TRMT9B: variants seen among roughly 807,000 people sequenced by gnomAD.
The protein encoded by TRMT9B is probable tRNA methyltransferase 9B.
In TRMT9B, 16 loss-of-function variants were observed where a neutral mutation model predicts 11.5. That is an observed-to-expected ratio of 1.39 (90% CI 0.94 to 2.11). The LOEUF (loss-of-function observed/expected upper bound fraction) is 2.11, where lower values mean the gene tolerates loss of function less well. Ranked by LOEUF, TRMT9B falls within the 30% of genes most tolerant of loss-of-function variation. The pLI is 0.00. For missense variants in TRMT9B, 941 were observed against 553.8 expected, an observed-to-expected ratio of 1.70 and a Z score of -7.02; for synonymous variants, 274 against 192.4, an observed-to-expected ratio of 1.42 and a Z score of -3.51.
At chr8:12,954,071 T>G (rs2946504) in intron 1 of TRMT9B, among the ~76,000 whole-genome samples, 44,252 of 152,098 alleles carry the variant, frequency 0.29, 6,843 homozygotes, top group East Asian at 0.56. Context: ...TAATAAAATT[T>G]TACTTACCAG....
chr8:13,012,122 C>G (rs1811722284), intron 3 of TRMT9B: 2 of 985,378 alleles, frequency 2.0e-6, no homozygotes, highest in Non-Finnish European at 2.4e-6. Flanking sequence ...TGTACTGAGC[C>G]CTGTGGACAT....
At chr8:13,017,089 C>T (rs1271602248) in intron 4 of TRMT9B, among the ~76,000 whole-genome samples, 1 of 132,328 alleles carries the variant, frequency 7.6e-6, no homozygotes, top group Non-Finnish European at 1.7e-5. Flanking sequence ...CACCACTGCA[C>T]TCCAGCCTGG....
intron 4 of TRMT9B, among the ~76,000 whole-genome samples, chr8:13,015,558 T>C (rs1295923783): frequency 8.2e-6 from 1 of 121,998 alleles, no homozygotes; most frequent in Non-Finnish European, 1.7e-5. Flanking sequence ...GTTGCCATAT[T>C]GTCCAGGCTG....
intron 4 of TRMT9B, among the ~76,000 whole-genome samples, chr8:13,018,356 G>A (rs1361539199): frequency 6.9e-6 from 1 of 144,644 alleles, no homozygotes; most frequent in Non-Finnish European, 1.5e-5. Context: ...AAGCTGAGAT[G>A]GAGCCACTAC....
In TRMT9B at chr8:13,025,614, T is replaced by G. The variant is rs1353958992; in HGVS notation, c.*3570T>G. On this transcript the variant is annotated 3_prime_UTR_variant, in exon 5 of 5. Transcript: ENST00000524591. ...GGATTTGGGGGAAAGCGCATTAACA[T>G]GGACAAAGGATGGAATCAAAATAAT... 1.8e-5 allele frequency: 3 copies of G among 167,076 alleles called. No homozygotes were observed. Among genetic ancestry groups the G allele is most frequent in the African/African-American group, 7.2e-5 (3 of 41,460 alleles). The allele number at this position is 167,076 out of a possible 1,614,324, so 10.3% of individuals were successfully genotyped here.
At chr8:13,018,925 T>C (rs1019416515) in intron 4 of TRMT9B, among the ~76,000 whole-genome samples, 1 of 151,964 alleles carries the variant, frequency 6.6e-6, no homozygotes, top group African/African-American at 2.4e-5. Flanking sequence ...ATGCAGAAAA[T>C]GTGGCACAAA....
intron 1 of TRMT9B, among the ~76,000 whole-genome samples, chr8:12,950,517 G>A (rs1800511848): frequency 6.8e-6 from 1 of 146,680 alleles, no homozygotes; most frequent in Non-Finnish European, 1.5e-5. Context: ...TCAAGAATAC[G>A]TAAAACCAGA....
chr8:12,950,022 T>G (rs1316591653), intron 1 of TRMT9B, among the ~76,000 whole-genome samples: 2 of 152,040 alleles, frequency 1.3e-5, no homozygotes, highest in Non-Finnish European at 2.9e-5. Flanking sequence ...CCAGCTAATG[T>G]TTTGTATTTC....
At chr8:12,969,716 G>C (rs911341870) in intron 1 of TRMT9B, among the ~76,000 whole-genome samples, 1 of 151,742 alleles carries the variant, frequency 6.6e-6, no homozygotes, top group Non-Finnish European at 1.5e-5. Context: ...GCAGGCTGGA[G>C]TGTAGAGTGC....
rs961657347 is a variant in TRMT9B at position 13,026,154 on chromosome 8, C to G, written c.*4110C>G. 2 of 167,254 alleles carry G rather than the reference C, an allele frequency of 1.2e-5. No homozygotes were observed. Among genetic ancestry groups the G allele is most frequent in the Middle Eastern group, 6.8e-3 (2 of 296 alleles). The allele number at this position is 167,254 out of a possible 1,614,324, so 10.4% of individuals were successfully genotyped here. A position where few individuals can be genotyped will look rare whatever the true frequency, so the allele number is the denominator to read the frequency against. Reference sequence around the variant, plus strand: ...AAATGGGAACCAACCACCAGACAAGCAGCTGCAGTCTAAGAAAAACAAATT... The same window carrying G: ...AAATGGGAACCAACCACCAGACAAGGAGCTGCAGTCTAAGAAAAACAAATT... On this transcript the variant is annotated 3_prime_UTR_variant, in exon 5 of 5. Transcript: ENST00000524591.
chr8:12,967,042 T>C (rs1585122631), intron 1 of TRMT9B, among the ~76,000 whole-genome samples: 1 of 152,194 alleles, frequency 6.6e-6, no homozygotes, highest in East Asian at 1.9e-4. Flanking sequence ...GTGGGAAGGA[T>C]AGGTAATGAC....
At chr8:12,953,388 C>T (rs1353417606) in intron 1 of TRMT9B, among the ~76,000 whole-genome samples, 1 of 152,114 alleles carries the variant, frequency 6.6e-6, no homozygotes, top group Non-Finnish European at 1.5e-5. Context: ...CTCACTCTAT[C>T]GCCTAGGCTG....
intron 1 of TRMT9B, among the ~76,000 whole-genome samples, chr8:12,976,928 T>A (rs1804552669): frequency 6.6e-6 from 1 of 152,134 alleles, no homozygotes; most frequent in South Asian, 2.1e-4. Context: ...ATACATTAAC[T>A]TGACCTCTGC....
chr8:12,958,090 G>A (rs529852884), intron 1 of TRMT9B, among the ~76,000 whole-genome samples: 1 of 152,056 alleles, frequency 6.6e-6, no homozygotes, highest in South Asian at 2.1e-4. Flanking sequence ...GAGGTTTTTT[G>A]TCCTTTTGTG....
rs565347546 is a variant in TRMT9B at position 12,985,059 on chromosome 8, C to A, written c.-199-5775C>A. Among the ~76,000 whole-genome samples the A allele has an allele frequency of 6.4e-4, 98 of 152,016 alleles. 1 individual carries two copies. Among genetic ancestry groups the A allele is most frequent in the African/African-American group, 2.3e-3 (96 of 41,464 alleles). ...CCTATTTCGTTTTGGGGGCTAATAT[C>A]CTACTCTTAGTGAACAGTTCATTTA... On this transcript the variant is annotated intron_variant, in intron 1 of 4. Transcript: ENST00000524591.
At position 13,021,693 on chromosome 8, in the gene TRMT9B, A is replaced by G. The variant is rs373385409; in HGVS notation, c.1014A>G (p.Gln338=). ...GTLKHLNGDH[Q]GEMRRNGGGN... ...TGAAACATTTAAATGGAGACCATCAAGGGGAAATGAGGAGAAATGGAGGGG... is the reference window on the plus strand; with the variant it reads ...TGAAACATTTAAATGGAGACCATCAGGGGGAAATGAGGAGAAATGGAGGGG... The change falls in exon 5 of 5, where the codon CAA becomes CAG. Residue 338 remains glutamine (Q), a synonymous_variant. Transcript: ENST00000524591. 8 of 1,613,868 alleles carry G rather than the reference A, an allele frequency of 5.0e-6. No individual in the cohort carries two copies. The African/African-American group carries it at 5.3e-5, about 11-fold the overall frequency.
intron 1 of TRMT9B, among the ~76,000 whole-genome samples, chr8:12,969,525 A>T (rs1024522661): frequency 6.6e-6 from 1 of 152,178 alleles, no homozygotes; most frequent in Admixed American, 6.5e-5. Context: ...TTCTCCCATT[A>T]TTTTAAATCA....
chr8:13,014,083 T>C (rs1002924176), intron 4 of TRMT9B, among the ~76,000 whole-genome samples: 4 of 152,214 alleles, frequency 2.6e-5, no homozygotes, highest in African/African-American at 9.6e-5. Context: ...AGATGAAAGA[T>C]TGATTTATCC....
At chr8:12,994,195 C>T (rs898560723) in intron 2 of TRMT9B, among the ~76,000 whole-genome samples, 5 of 152,184 alleles carry the variant, frequency 3.3e-5, no homozygotes, top group Admixed American at 6.5e-5. Context: ...AAAACGTCTG[C>T]GACTGCAAAT....
Sources: gnomAD v4.1 joint callset for allele counts (sites outside exome capture counted in the v4.1 genomes callset) on GRCh38, gnomAD v4.1.1 for gene constraint, MANE v1.5 for transcripts, NCBI Gene and HGNC (gene_info 2026-07-23, HGNC 2026-07-21) for gene names.